The following GART variants were observed in gnomAD, a reference collection of about 807,000 sequenced individuals.
GART encodes trifunctional purine biosynthetic protein adenosine-3.
Under a neutral mutation model 107.2 loss-of-function variants are expected in GART, and 43 were observed. The ratio of observed to expected loss-of-function variants is 0.40; its 90% confidence interval spans 0.31 to 0.52. The LOEUF (loss-of-function observed/expected upper bound fraction) is 0.52, where lower values mean the gene tolerates loss of function less well. Among genes scored for constraint, GART ranks in the 20% least tolerant of loss-of-function variants. The pLI is 0.52. For synonymous variants in GART, 434 were observed against 427.0 expected (o/e 1.02, Z -0.20); for missense variants, 1,107 against 1,206.5 (o/e 0.92, Z 1.22).
chr21:33,523,360 T>C (rs943575893), intron 11 of GART, among the ~76,000 whole-genome samples: 2 of 152,208 alleles, frequency 1.3e-5, no homozygotes, highest in African/African-American at 4.8e-5. Context: ...AAAAACCTTT[T>C]CTCCAGTAGC....
intron 14 of GART, among the ~76,000 whole-genome samples, chr21:33,518,298 C>A (rs1016815298): frequency 1.3e-5 from 2 of 152,008 alleles, no homozygotes; most frequent in African/African-American, 4.8e-5. Context: ...GCCAACATGG[C>A]GAAACTCTGT....
intron 1 of GART, among the ~76,000 whole-genome samples, chr21:33,541,270 C>G (rs149886832): frequency 6.5e-4 from 99 of 152,262 alleles, no homozygotes; most frequent in Admixed American, 1.2e-3. Context: ...TCACAGCCTC[C>G]CAAGTAGCTG....
intron 6 of GART, 89 bp from the exon 7 acceptor site, chr21:33,530,973 C>A (rs2085175877): frequency 7.5e-6 from 9 of 1,202,796 alleles, no homozygotes; most frequent in South Asian, 2.0e-5. Context: ...TCCCTTAATT[C>A]TTCTTTGAGG....
chr21:33,517,782 G>A (rs1471657424), intron 14 of GART, among the ~76,000 whole-genome samples, 174 bp from the exon 15 acceptor site: 1 of 152,206 alleles, frequency 6.6e-6, no homozygotes, highest in Non-Finnish European at 1.5e-5. Context: ...CATGATTTCA[G>A]GAGAAATAGC....
At position 33,517,525 on chromosome 21, in the gene GART, C is replaced by A; in HGVS notation, c.1786G>T (p.Asp596Tyr). 1 of 1,614,210 alleles carries A rather than the reference C, an allele frequency of 6.2e-7. No homozygotes were observed. Among genetic ancestry groups the A allele is most frequent in the Non-Finnish European group, 8.5e-7 (1 of 1,180,044 alleles). The change falls in exon 15 of 22, where the codon GAT (aspartate) becomes TAT (tyrosine). Residue 596 changes from aspartate (D) to tyrosine (Y), a missense_variant. Physicochemically the swap from Asp to Tyr is radical, Grantham distance 160. Coordinates refer to ENST00000381815, the MANE Select transcript of GART (RefSeq NM_000819.5). ...AGFAVGAMER[D>Y]QKLPHLERIT... is the part of the protein sequence containing the mutation. ...CTTTCCAGGTGAGGGAGTTTCTGATCTCGCTCCATGGCACCAACGGCAAAC... is the reference window on the plus strand; with the variant it reads ...CTTTCCAGGTGAGGGAGTTTCTGATATCGCTCCATGGCACCAACGGCAAAC...
chr21:33,538,188 G>A (rs1449941207), intron 2 of GART, among the ~76,000 whole-genome samples: 1 of 141,616 alleles, frequency 7.1e-6, no homozygotes, highest in African/African-American at 2.6e-5. Flanking sequence ...AGGTTGCAGT[G>A]AGCTGAGATC....
intron 16 of GART, among the ~76,000 whole-genome samples, chr21:33,514,924 G>A (rs773157558): frequency 3.3e-5 from 5 of 152,132 alleles, no homozygotes; most frequent in Admixed American, 6.6e-5. Context: ...AGTTCTCTCC[G>A]AGCTTCACAT....
chr21:33,539,484 G>C, intron 1 of GART, 128 bp from the exon 2 acceptor site: 1 of 563,450 alleles, frequency 1.8e-6, no homozygotes, highest in Admixed American at 3.7e-5. Flanking sequence ...CTTGAGGTCA[G>C]GAGTTTGAGA....
chr21:33,536,292 AT>A (rs1331115172), intron 2 of GART, among the ~76,000 whole-genome samples: 2 of 152,062 alleles, frequency 1.3e-5, no homozygotes, highest in African/African-American at 4.8e-5. Context: ...AGTCAGGTAA[AT>A]TTTCTTCTGT....
rs1028172000 is a variant in GART, at chr21:33,531,037, A to G, written c.598-153T>C. The G allele has an allele frequency of 1.5e-5, 8 of 533,122 alleles. No individual in the cohort carries two copies. In the African/African-American group the frequency reaches 1.6e-4, roughly 11 times the overall value. The allele number at this position is 533,122 out of a possible 1,614,324, so 33.0% of individuals were successfully genotyped here. ...ATGAACCGAAACGTCAATAACATTAAGCTACATACATCAAGAATCATAATG... is the reference window on the plus strand; with the variant it reads ...ATGAACCGAAACGTCAATAACATTAGGCTACATACATCAAGAATCATAATG... On this transcript the variant is annotated intron_variant, in intron 6 of 21. Transcript: ENST00000381815.
chr21:33,535,207 A>C lies in GART; in HGVS notation c.241+18T>G. 2.0e-6 allele frequency: 3 copies of C among 1,513,178 alleles called. No homozygotes were observed. The highest frequency in any genetic ancestry group is 1.8e-6 in the Non-Finnish European group (2 of 1,115,980). The allele number at this position is 1,513,178 out of a possible 1,614,324, so 93.7% of individuals were successfully genotyped here. On this transcript the variant is annotated intron_variant, in intron 3 of 21. Coordinates refer to ENST00000381815, the MANE Select transcript of GART (RefSeq NM_000819.5). The stretch of plus-strand genomic sequence containing the variant: ...TTGCACTGAATATACTGTAACAATA[A>C]ACAGAAACAAACTTTACCAGCAGCC...
chr21:33,520,805 T>C, intron 13 of GART, 101 bp downstream of exon 13: 1 of 891,082 alleles, frequency 1.1e-6, no homozygotes, highest in Non-Finnish European at 1.8e-6. Flanking sequence ...TTTGGCATGG[T>C]CCTTTTTAGC....
intron 1 of GART, among the ~76,000 whole-genome samples, chr21:33,541,149 T>A (rs2085409219): frequency 6.6e-6 from 1 of 152,206 alleles, no homozygotes; most frequent in Non-Finnish European, 1.5e-5. Context: ...TTATTTTATT[T>A]ATTTATTTAT....
chr21:33,539,912 T>G (rs1157887755), intron 1 of GART, among the ~76,000 whole-genome samples: 2 of 152,208 alleles, frequency 1.3e-5, no homozygotes, highest in Non-Finnish European at 2.9e-5. Flanking sequence ...GCTCCTTATG[T>G]GATAATCTCC....
intron 1 of GART, among the ~76,000 whole-genome samples, chr21:33,540,117 T>C (rs1229026853): frequency 6.6e-6 from 1 of 152,208 alleles, no homozygotes; most frequent in African/African-American, 2.4e-5. Context: ...AAGGGCCACA[T>C]AGTTCTGTCA....
intron 16 of GART, among the ~76,000 whole-genome samples, chr21:33,514,406 C>T (rs2084841366): frequency 6.6e-6 from 1 of 152,134 alleles, no homozygotes; most frequent in Non-Finnish European, 1.5e-5. Context: ...TTGTGTAACT[C>T]AAACTATAAC....
At chr21:33,520,678 C>G (rs1356432521) in intron 13 of GART, 116 bp from the exon 14 acceptor site, 1 of 909,370 alleles carries the variant, frequency 1.1e-6, no homozygotes, top group Non-Finnish European at 1.7e-6. Flanking sequence ...TTCTGACAAG[C>G]TACTTGGTCT....
intron 6 of GART, 141 bp downstream of exon 6, chr21:33,531,348 A>C: frequency 1.3e-6 from 1 of 741,058 alleles, no homozygotes; most frequent in South Asian, 2.0e-5. Context: ...CCCAACAATA[A>C]AAGTATACAA....
upstream of GART, chr21:33,542,799 G>C: frequency 4.2e-6 from 2 of 471,438 alleles, no homozygotes; most frequent in Non-Finnish European, 7.8e-6. Flanking sequence ...ATGCGGACAC[G>C]GTCGCCTCAA....
Sources: gnomAD v4.1 joint callset for allele counts (sites outside exome capture counted in the v4.1 genomes callset) on GRCh38, gnomAD v4.1.1 for gene constraint, MANE v1.5 for transcripts, NCBI Gene and HGNC (gene_info 2026-07-23, HGNC 2026-07-21) for gene names.